Variants in ZDHHC2 observed in about 807,000 individuals in gnomAD.
ZDHHC2 encodes the protein zDHHC palmitoyltransferase 2.
ZDHHC2 carries 51 observed loss-of-function variants against 55.6 expected under a neutral mutation model. The observed-to-expected ratio is 0.92, with a 90% confidence interval of 0.73 to 1.16. The LOEUF is 1.16. Ranked by LOEUF, ZDHHC2 falls within the 50% of genes most tolerant of loss-of-function variation. ZDHHC2 has a pLI of 0.00. For missense variants in ZDHHC2, 491 were observed against 442.4 expected (o/e 1.11, Z -0.99); for synonymous variants, 199 against 152.9 (o/e 1.30, Z -2.22).
chr8:17,210,290 A>C, intron 9 of ZDHHC2, 98 bp from the exon 10 acceptor site: 1 of 1,267,292 alleles, frequency 7.9e-7, no homozygotes, highest in Non-Finnish European at 1.1e-6. Context: ...TTTTGCCTAG[A>C]GTATAGCATG....
At chr8:17,201,665 G>T (rs1207288448) in intron 6 of ZDHHC2, among the ~76,000 whole-genome samples, 40 of 130,006 alleles carry the variant, frequency 3.1e-4, no homozygotes, top group Admixed American at 1.5e-3. Flanking sequence ...ACGGTTTTTG[G>T]TTTTTTTTTT....
chr8:17,184,341 A>G (rs570392082), intron 1 of ZDHHC2, among the ~76,000 whole-genome samples: 3 of 152,336 alleles, frequency 2.0e-5, no homozygotes, highest in East Asian at 3.9e-4. Flanking sequence ...TTAGGGGGAA[A>G]AAAAGTGTGT....
chr8:17,178,423 A>G (rs2150898281), intron 1 of ZDHHC2, among the ~76,000 whole-genome samples: 1 of 152,256 alleles, frequency 6.6e-6, no homozygotes, highest in Non-Finnish European at 1.5e-5. Flanking sequence ...ATCCTATTAA[A>G]TCTTTTTCTG....
intron 1 of ZDHHC2, among the ~76,000 whole-genome samples, chr8:17,179,583 A>AG (rs1805329881): frequency 6.6e-6 from 1 of 151,924 alleles, no homozygotes; most frequent in African/African-American, 2.4e-5. Context: ...TAAAAAAAAA[A>AG]GTTTATTTGT....
intron 1 of ZDHHC2, among the ~76,000 whole-genome samples, chr8:17,158,063 TGAAGGGATTTA>T (rs1804152018): frequency 6.6e-6 from 1 of 152,156 alleles, no homozygotes; most frequent in African/African-American, 2.4e-5. Flanking sequence ...TGTTATTACT[TGAAGGGATTTA>T]GAAACAAGCT....
In ZDHHC2 at chr8:17,156,580, A is replaced by T; in HGVS notation, c.-144A>T. ...GCTCGGGGCTGCGGGATGGGGAGTT[A>T]GCGCCACGGCGGCGGCAGTGGCCGC... On this transcript the variant is annotated 5_prime_UTR_variant, in exon 1 of 13. The change abolishes the stop of an existing upstream ORF in the 5' untranslated region. Coordinates refer to ENST00000262096, the MANE Select transcript of ZDHHC2 (RefSeq NM_016353.5). 1 of 499,358 alleles carries T rather than the reference A, an allele frequency of 2.0e-6. No individual in the cohort carries two copies. Among genetic ancestry groups the T allele is most frequent in the Non-Finnish European group, 2.6e-6 (1 of 382,872 alleles). The allele number at this position is 499,358 out of a possible 1,614,324, so 30.9% of individuals were successfully genotyped here.
intron 1 of ZDHHC2, among the ~76,000 whole-genome samples, chr8:17,183,496 G>A (rs1805540892): frequency 6.6e-6 from 1 of 152,186 alleles, no homozygotes; most frequent in Non-Finnish European, 1.5e-5. Context: ...GTAAATCGAA[G>A]GTCATCCAGG....
intron 6 of ZDHHC2, 134 bp from the exon 7 acceptor site, chr8:17,205,521 A>G: frequency 1.9e-6 from 2 of 1,061,388 alleles, no homozygotes; most frequent in Non-Finnish European, 2.6e-6. Context: ...GTATGCATAA[A>G]GAAATCTTAT....
chr8:17,216,428 A>G (rs1807653590), intron 11 of ZDHHC2, among the ~76,000 whole-genome samples: 1 of 152,132 alleles, frequency 6.6e-6, no homozygotes, highest in Non-Finnish European at 1.5e-5. Context: ...ACTATTCATA[A>G]TTTGGTCACT....
At chr8:17,193,364 G>C (rs1336959633) in intron 3 of ZDHHC2, among the ~76,000 whole-genome samples, 1 of 152,208 alleles carries the variant, frequency 6.6e-6, no homozygotes, top group Non-Finnish European at 1.5e-5. Flanking sequence ...TTGTTCTTCT[G>C]CCTTATATTC....
In ZDHHC2 at chr8:17,179,303, A is replaced by G. The variant is rs374157256; in HGVS notation, c.131-5486A>G. ...CAGTGGCGGTGGAGGGGGTGAGCGT[A>G]AAGCGCAGCCAGATAATACAACTGG... On this transcript the variant is annotated intron_variant, in intron 1 of 12. Coordinates refer to ENST00000262096, the MANE Select transcript of ZDHHC2 (RefSeq NM_016353.5). Among the ~76,000 whole-genome samples the G allele has an allele frequency of 1.9e-4, 29 of 152,276 alleles. 1 individual carries two copies. The East Asian group carries it at 4.8e-3, about 25-fold the overall frequency.
intron 6 of ZDHHC2, 133 bp from the exon 7 acceptor site, chr8:17,205,519 AAAG>A: frequency 9.6e-7 from 1 of 1,036,490 alleles, no homozygotes; most frequent in South Asian, 2.1e-5. Context: ...TTGTATGCAT[AAAG>A]AAATCTTATG....
chr8:17,208,043 T>C lies in ZDHHC2; in HGVS notation c.681T>C (p.Ser227=), dbSNP rs778945509. The C allele has an allele frequency of 2.5e-6, 4 of 1,594,028 alleles. No homozygotes were observed. Among genetic ancestry groups the C allele is most frequent in the East Asian group, 2.3e-5 (1 of 44,290 alleles). The change falls in exon 8 of 13, where the codon TCT becomes TCC. Residue 227 remains serine (S), a synonymous_variant. Transcript: ENST00000262096. ...AAAMFSVSLS[S]LFGYHCWLVS... is the part of the protein sequence containing the mutation. ...CTATGTTTTCTGTCAGCTTGTCTTC[T>C]CTGTTTGGCTATCATTGTTGGCTAG...
chr8:17,214,528 A>G (rs1044125905), intron 10 of ZDHHC2, among the ~76,000 whole-genome samples: 1 of 152,192 alleles, frequency 6.6e-6, no homozygotes, highest in African/African-American at 2.4e-5. Flanking sequence ...TTCTGTATTT[A>G]AATTGGCACT....
At chr8:17,219,278 A>AAAAC (rs59694696) in intron 12 of ZDHHC2, among the ~76,000 whole-genome samples, 1 of 130,056 alleles carries the variant, frequency 7.7e-6, no homozygotes, top group Non-Finnish European at 1.7e-5. Context: ...AAAAAAAAAA[A>AAAAC]CAGAAAAAAA....
chr8:17,205,655 G>T lies in ZDHHC2; in HGVS notation c.477G>T (p.Trp159Cys). The change falls in exon 7 of 13, where the codon TGG becomes TGT. Residue 159 changes from tryptophan to cysteine, a missense_variant and splice_region_variant. Coordinates refer to ENST00000262096, the MANE Select transcript of ZDHHC2 (RefSeq NM_016353.5). ...GGAAATGTTTTTGTTTTGTTAACAGGGTGAACAATTGTGTTGGATTTTCAA... is the reference window on the plus strand; with the variant it reads ...GGAAATGTTTTTGTTTTGTTAACAGTGTGAACAATTGTGTTGGATTTTCAA... Reference protein sequence around the residue: ...CILKMDHHCPWVNNCVGFSNY... With the variant: ...CILKMDHHCPCVNNCVGFSNY... The T allele has an allele frequency of 1.9e-6, 3 of 1,597,588 alleles. No homozygotes were observed. Among genetic ancestry groups the T allele is most frequent in the Non-Finnish European group, 1.7e-6 (2 of 1,174,592 alleles).
At chr8:17,204,363 T>C (rs528972380) in intron 6 of ZDHHC2, among the ~76,000 whole-genome samples, 24 of 152,320 alleles carry the variant, frequency 1.6e-4, no homozygotes, top group African/African-American at 5.8e-4. Context: ...GGAAACAATA[T>C]GTGTATGTTC....
intron 2 of ZDHHC2, among the ~76,000 whole-genome samples, 176 bp from the exon 3 acceptor site, chr8:17,186,155 T>C (rs1805697939): frequency 6.6e-6 from 1 of 152,226 alleles, no homozygotes; most frequent in Non-Finnish European, 1.5e-5. Context: ...AAAAAACTCT[T>C]GGCTTTGGAA....
intron 1 of ZDHHC2, among the ~76,000 whole-genome samples, chr8:17,172,402 G>A (rs1804902995): frequency 6.6e-6 from 1 of 152,196 alleles, no homozygotes; most frequent in Admixed American, 6.5e-5. Context: ...AAGAGAGACC[G>A]TTTGGTGGTT....
Sources: allele counts gnomAD v4.1 joint callset (sites outside exome capture counted in the v4.1 genomes callset), GRCh38; gene constraint gnomAD v4.1.1; transcripts MANE v1.5; gene names NCBI Gene and HGNC (gene_info 2026-07-23, HGNC 2026-07-21).